WWOX: variants seen among roughly 807,000 people sequenced by gnomAD.
WWOX encodes the protein WW domain-containing oxidoreductase.
In WWOX, 69 loss-of-function variants were observed where a neutral mutation model predicts 46.2. That is an observed-to-expected ratio of 1.49 (90% CI 1.23 to 1.82). The LOEUF is 1.82. Ranked by LOEUF, WWOX falls within the 40% of genes most tolerant of loss-of-function variation. WWOX has a pLI of 0.00. For synonymous variants in WWOX, 359 were observed against 202.6 expected (o/e 1.77, Z -6.56); for missense variants, 919 against 542.6 (o/e 1.69, Z -6.89).
At chr16:78,755,101 G>A (rs1597554479) in intron 8 of WWOX, among the ~76,000 whole-genome samples, 2 of 151,988 alleles carry the variant, frequency 1.3e-5, no homozygotes, top group African/African-American at 4.8e-5. Flanking sequence ...TAATGCATGC[G>A]GGGCTTAAAA....
chr16:78,367,974 G>C (rs1381713101), intron 5 of WWOX, among the ~76,000 whole-genome samples: 3 of 152,038 alleles, frequency 2.0e-5, no homozygotes, highest in African/African-American at 7.2e-5. Flanking sequence ...TCAGGCTGGT[G>C]TCAAACTCCT....
intron 8 of WWOX, among the ~76,000 whole-genome samples, chr16:79,112,502 C>T (rs1001154174): frequency 6.6e-6 from 1 of 152,178 alleles, no homozygotes; most frequent in African/African-American, 2.4e-5. Context: ...TTCCCCCACC[C>T]TGCGAGTTCT....
chr16:78,270,707 C>T (rs373169202), intron 5 of WWOX: 51 of 152,248 alleles, frequency 3.3e-4, no homozygotes, highest in African/African-American at 1.1e-3. Context: ...AGACCCTTCA[C>T]AGTTTGAAAA....
At chr16:78,184,094 C>T (rs1266249426) in intron 5 of WWOX, among the ~76,000 whole-genome samples, 1 of 152,136 alleles carries the variant, frequency 6.6e-6, no homozygotes, top group Non-Finnish European at 1.5e-5. Flanking sequence ...GACCTCGGTG[C>T]TCACGGTAAT....
chr16:78,408,132 G>A (rs1449960516), intron 6 of WWOX, among the ~76,000 whole-genome samples: 1 of 152,170 alleles, frequency 6.6e-6, no homozygotes, highest in Non-Finnish European at 1.5e-5. Flanking sequence ...ACAGTTTAAA[G>A]ACTGAAAGCC....
intron 8 of WWOX, among the ~76,000 whole-genome samples, chr16:79,125,925 CTG>C (rs1174484051): frequency 6.6e-6 from 1 of 152,210 alleles, no homozygotes; most frequent in Non-Finnish European, 1.5e-5. Flanking sequence ...CTCCAGGAGA[CTG>C]TCATCTCTGT....
At chr16:78,623,322 G>A (rs907922054) in intron 8 of WWOX, among the ~76,000 whole-genome samples, 3 of 152,210 alleles carry the variant, frequency 2.0e-5, no homozygotes, top group Non-Finnish European at 2.9e-5. Context: ...TGGCTGCACA[G>A]CAAGTTCTAA....
At chr16:79,109,312 A>G (rs1055955299) in intron 8 of WWOX, among the ~76,000 whole-genome samples, 20 of 152,156 alleles carry the variant, frequency 1.3e-4, no homozygotes, top group African/African-American at 4.6e-4. Context: ...CCCAGTTTCT[A>G]TCGAGCTACT....
At position 78,354,312 on chromosome 16, in the gene WWOX, C is replaced by CTTTTT. The variant is rs55635025; in HGVS notation, c.517-32538_517-32534dup. 1.6e-4 allele frequency among the ~76,000 whole-genome samples: 20 copies of CTTTTT among 123,274 alleles called. 3 individuals carry two copies. Among genetic ancestry groups the CTTTTT allele is most frequent in the Non-Finnish European group, 8.1e-5 (5 of 61,446 alleles). 80.9% of individuals were successfully genotyped at this position (123,274 alleles called of 152,430 possible). A position where few individuals can be genotyped will look rare whatever the true frequency, so the allele number is the denominator to read the frequency against. ...AGACAGTGTCTGCTGATGTGCTTAACTTTTTTTTTTTTTTGGTCAGGTGTG... is the reference window on the plus strand; with the variant it reads ...AGACAGTGTCTGCTGATGTGCTTAACTTTTTTTTTTTTTTTTTTTGGTCAGGTGTG... On this transcript the variant is annotated intron_variant, in intron 5 of 8. Coordinates refer to ENST00000566780, the MANE Select transcript of WWOX (RefSeq NM_016373.4).
At chr16:78,462,396 C>T (rs2083973403) in intron 8 of WWOX, among the ~76,000 whole-genome samples, 1 of 152,116 alleles carries the variant, frequency 6.6e-6, no homozygotes, top group Non-Finnish European at 1.5e-5. Context: ...AGTGAGCCGG[C>T]CATAGATTTA....
rs148847994 is a variant in WWOX, at chr16:79,081,815, C to T, written c.1057-129793C>T. Among the ~76,000 whole-genome samples, 101 of 152,162 alleles carry T rather than the reference C, an allele frequency of 6.6e-4. No individual in the cohort carries two copies. The Middle Eastern group carries it at 0.014, about 20-fold the overall frequency. Reference sequence around the variant, plus strand: ...CTCTGGTCTCCAGCAGAAGACCTGTCGTGCTTGAGTGACAAAGCAGATTGC... The same window carrying T: ...CTCTGGTCTCCAGCAGAAGACCTGTTGTGCTTGAGTGACAAAGCAGATTGC... On this transcript the variant is annotated intron_variant, in intron 8 of 8. Transcript: ENST00000566780.
chr16:78,357,065 G>A (rs189094998), intron 5 of WWOX, among the ~76,000 whole-genome samples: 201 of 152,210 alleles, frequency 1.3e-3, no homozygotes, highest in Non-Finnish European at 2.7e-3. Flanking sequence ...TTTCTAGAAG[G>A]CCCAGGCAGG....
At chr16:78,460,415 T>C (rs2083922391) in intron 8 of WWOX, among the ~76,000 whole-genome samples, 1 of 152,234 alleles carries the variant, frequency 6.6e-6, no homozygotes, top group Non-Finnish European at 1.5e-5. Context: ...GCTGATACTT[T>C]CCTTAGTTGT....
chr16:79,187,023 A>G (rs914878844), intron 8 of WWOX, among the ~76,000 whole-genome samples: 9 of 152,160 alleles, frequency 5.9e-5, no homozygotes, highest in African/African-American at 7.2e-5. Context: ...TTGTGCAGTA[A>G]AAGAAAACAC....
chr16:78,244,947 A>G (rs1436366810), intron 5 of WWOX, among the ~76,000 whole-genome samples: 5 of 152,168 alleles, frequency 3.3e-5, no homozygotes, highest in African/African-American at 7.2e-5. Flanking sequence ...CCTCCAATAT[A>G]TATCTACTCT....
intron 8 of WWOX, among the ~76,000 whole-genome samples, chr16:78,954,557 T>C (rs1281312758): frequency 1.3e-5 from 2 of 152,138 alleles, no homozygotes; most frequent in East Asian, 1.9e-4. Flanking sequence ...TATATACTTG[T>C]GGAGCAGCAG....
intron 8 of WWOX, among the ~76,000 whole-genome samples, chr16:78,766,807 G>C (rs1046601490): frequency 1.3e-5 from 2 of 152,114 alleles, no homozygotes; most frequent in African/African-American, 4.8e-5. Context: ...ACACAACTTA[G>C]TATTTATCAT....
rs576505890 is a variant in WWOX at position 78,206,994 on chromosome 16, G to C, written c.516+42705G>C. 4.6e-5 allele frequency among the ~76,000 whole-genome samples: 7 copies of C among 152,268 alleles called. No homozygotes were observed. The South Asian group carries it at 1.2e-3, about 27-fold the overall frequency. ...AGTGTTTCATCAAGATAGATTCCTTGTTATCCTCATTTTGGAGATGAAGAG... is the reference window on the plus strand; with the variant it reads ...AGTGTTTCATCAAGATAGATTCCTTCTTATCCTCATTTTGGAGATGAAGAG... On this transcript the variant is annotated intron_variant, in intron 5 of 8. Transcript: ENST00000566780.
intron 8 of WWOX, among the ~76,000 whole-genome samples, chr16:78,820,822 C>G (rs143513149): frequency 1.4e-3 from 216 of 152,232 alleles, no homozygotes; most frequent in African/African-American, 5.1e-3. Flanking sequence ...AGGGAGAAAC[C>G]ATGCCATGCC....
Sources: allele counts gnomAD v4.1 joint callset (sites outside exome capture counted in the v4.1 genomes callset), GRCh38; gene constraint gnomAD v4.1.1; transcripts MANE v1.5; gene names NCBI Gene and HGNC (gene_info 2026-07-23, HGNC 2026-07-21).